Variants in TRIO observed in about 807,000 individuals in gnomAD.
TRIO encodes trio Rho guanine nucleotide exchange factor.
Under a neutral mutation model 351.9 loss-of-function variants are expected in TRIO, and 58 were observed. The observed-to-expected ratio is 0.16, with a 90% CI of 0.13 to 0.21. The LOEUF (loss-of-function observed/expected upper bound fraction) is 0.21. TRIO is among the 10% of genes least tolerant of loss of function. TRIO has a pLI of 1.00. For missense variants in TRIO, 3,201 were observed against 4,027.8 expected (o/e 0.79, Z 5.56); for synonymous variants, 1,758 against 1,595.7 (o/e 1.10, Z -2.42).
At chr5:14,312,225 T>C (rs1000148072) in intron 8 of TRIO, among the ~76,000 whole-genome samples, 1 of 152,196 alleles carries the variant, frequency 6.6e-6, no homozygotes, top group Non-Finnish European at 1.5e-5. Flanking sequence ...GAAATCCAAG[T>C]TACAAGTCTA....
intron 1 of TRIO, among the ~76,000 whole-genome samples, chr5:14,264,526 A>T (rs984595836): frequency 2.6e-5 from 4 of 151,796 alleles, no homozygotes; most frequent in African/African-American, 7.3e-5. Context: ...TATTTATGTT[A>T]AAAAAATAAT....
intron 31 of TRIO, 34 bp from the exon 32 acceptor site, chr5:14,405,814 T>A: frequency 6.2e-7 from 1 of 1,604,128 alleles, no homozygotes. Flanking sequence ...AAAGGGCCGT[T>A]CCGTATCCTA....
chr5:14,419,641 T>C, intron 33 of TRIO, 137 bp from the exon 34 acceptor site: 1 of 1,163,196 alleles, frequency 8.6e-7, no homozygotes, highest in Non-Finnish European at 1.2e-6. Flanking sequence ...GAGAGTGCAG[T>C]GATCACACAA....
chr5:14,274,256 G>A (rs1735299339), intron 2 of TRIO, among the ~76,000 whole-genome samples: 1 of 152,162 alleles, frequency 6.6e-6, no homozygotes, highest in South Asian at 2.1e-4. Flanking sequence ...AGGAATCCAG[G>A]TGTCTTCCTG....
intron 1 of TRIO, among the ~76,000 whole-genome samples, chr5:14,246,580 C>T (rs1339540740): frequency 2.0e-5 from 3 of 152,184 alleles, no homozygotes; most frequent in Admixed American, 2.0e-4. Context: ...CACTCTTTCA[C>T]CCACTGGAAG....
intron 14 of TRIO, 132 bp from the exon 15 acceptor site, chr5:14,364,518 G>A: frequency 1.8e-6 from 2 of 1,081,356 alleles, no homozygotes; most frequent in South Asian, 3.2e-5. Flanking sequence ...CCTTGAACTT[G>A]CCCTTCAGCA....
At chr5:14,344,020 G>A (rs528270611) in intron 11 of TRIO, among the ~76,000 whole-genome samples, 1 of 152,332 alleles carries the variant, frequency 6.6e-6, no homozygotes, top group Admixed American at 6.5e-5. Context: ...TCGAGCCTCA[G>A]TAATTTTTGT....
At position 14,243,317 on chromosome 5, in the gene TRIO, G is replaced by GT. The variant is rs201642661; in HGVS notation, c.158-27496dup. On this transcript the variant is annotated intron_variant, in intron 1 of 56. Transcript: ENST00000344204. The stretch of plus-strand genomic sequence containing the variant: ...TTTGCTCGCAACTTAGACATGAAAT[G>GT]TTTTTTTTTTTTAAGTTAGATTTAA... Among the ~76,000 whole-genome samples the GT allele has an allele frequency of 6.9e-3, 991 of 143,188 alleles. 8 individuals carry two copies. Among genetic ancestry groups the GT allele is most frequent in the African/African-American group, 0.02 (776 of 39,126 alleles). The allele number at this position is 143,188 out of a possible 152,430, so 93.9% of individuals were successfully genotyped here. A position where few individuals can be genotyped will look rare whatever the true frequency, so the allele number is the denominator to read the frequency against.
chr5:14,193,022 T>C (rs1448013453), intron 1 of TRIO, among the ~76,000 whole-genome samples: 1 of 152,216 alleles, frequency 6.6e-6, no homozygotes, highest in Non-Finnish European at 1.5e-5. Context: ...TGGAATGAAG[T>C]GGAGACCCTG....
intron 1 of TRIO, among the ~76,000 whole-genome samples, chr5:14,195,212 T>C (rs1009881883): frequency 6.6e-6 from 1 of 152,232 alleles, no homozygotes; most frequent in African/African-American, 2.4e-5. Context: ...TTAGTCTTTT[T>C]TAGTCTGGAA....
At chr5:14,365,968 G>A (rs1744560662) in intron 15 of TRIO, among the ~76,000 whole-genome samples, 1 of 152,200 alleles carries the variant, frequency 6.6e-6, no homozygotes. Flanking sequence ...CTCCTGCTTT[G>A]CTTTCATTGG....
intron 48 of TRIO, among the ~76,000 whole-genome samples, chr5:14,491,701 A>G (rs1054061455): frequency 1.3e-5 from 2 of 152,112 alleles, no homozygotes; most frequent in African/African-American, 4.8e-5. Flanking sequence ...GTCACTCACC[A>G]TATGTTGAGT....
intron 4 of TRIO, among the ~76,000 whole-genome samples, chr5:14,289,740 C>T (rs1736750589): frequency 6.6e-6 from 1 of 151,968 alleles, no homozygotes; most frequent in Non-Finnish European, 1.5e-5. Flanking sequence ...GTCCCAGCTA[C>T]TCGGGAGGCT....
intron 41 of TRIO, 24 bp from the exon 42 acceptor site, chr5:14,479,237 A>C (rs1579775660): frequency 1.9e-6 from 3 of 1,593,830 alleles, no homozygotes; most frequent in East Asian, 2.2e-5. Flanking sequence ...TTATAACCCA[A>C]CTGTTTGCCT....
intron 34 of TRIO, among the ~76,000 whole-genome samples, chr5:14,427,512 C>T (rs563696916): frequency 6.6e-6 from 1 of 152,312 alleles, no homozygotes; most frequent in African/African-American, 2.4e-5. Context: ...AGAATACAAC[C>T]AGTTACCAGA....
intron 18 of TRIO, among the ~76,000 whole-genome samples, chr5:14,370,339 A>G (rs1392234577): frequency 6.6e-6 from 1 of 152,096 alleles, no homozygotes; most frequent in East Asian, 1.9e-4. Context: ...GAACAGTTAA[A>G]TTTTTCAAAG....
At position 14,322,323 on chromosome 5, in the gene TRIO, A is replaced by G. The variant is rs879742114; in HGVS notation, c.1731+5580A>G. ...TGGGAGATCTGCCTGAAGGAATGGA[A>G]TCTTTGATTGATGTTGGGGAACTAG... On this transcript the variant is annotated intron_variant, in intron 9 of 56. Coordinates refer to ENST00000344204, the MANE Select transcript of TRIO (RefSeq NM_007118.4). 3.2e-4 allele frequency among the ~76,000 whole-genome samples: 48 copies of G among 152,196 alleles called. 2 individuals are homozygous for G. Among genetic ancestry groups the G allele is most frequent in the Admixed American group, 2.7e-3 (41 of 15,274 alleles).
intron 1 of TRIO, among the ~76,000 whole-genome samples, chr5:14,160,118 C>G (rs926334386): frequency 6.6e-6 from 1 of 152,194 alleles, no homozygotes; most frequent in Non-Finnish European, 1.5e-5. Flanking sequence ...GGCACAGTCC[C>G]TGAAAGAAAT....
chr5:14,383,015 A>G (rs555504167), intron 21 of TRIO, among the ~76,000 whole-genome samples: 1 of 152,312 alleles, frequency 6.6e-6, no homozygotes, highest in Admixed American at 6.5e-5. Flanking sequence ...CAGTGGCACC[A>G]TAATGGCTCA....
Sources: gnomAD v4.1 joint callset for allele counts (sites outside exome capture counted in the v4.1 genomes callset) on GRCh38, gnomAD v4.1.1 for gene constraint, MANE v1.5 for transcripts, NCBI Gene and HGNC (gene_info 2026-07-23, HGNC 2026-07-21) for gene names.